DIDO1: variants seen among roughly 807,000 people sequenced by gnomAD.
The protein encoded by DIDO1 is death-inducer obliterator 1.
Under a neutral mutation model 99.4 loss-of-function variants are expected in DIDO1, and 16 were observed. The ratio of observed to expected loss-of-function variants is 0.16; its 90% confidence interval spans 0.11 to 0.24. The LOEUF (loss-of-function observed/expected upper bound fraction) is 0.24. DIDO1 is among the 10% of genes least tolerant of loss of function. The pLI, the probability that DIDO1 is intolerant of heterozygous loss-of-function variation, is 1.00. For synonymous variants in DIDO1, 1,366 were observed against 1,239.1 expected, an observed-to-expected ratio of 1.10 and a Z score of -2.15; for missense variants, 2,996 against 3,014.0, an observed-to-expected ratio of 0.99 and a Z score of 0.14.
Position 62,910,036 on chromosome 20 carries a change from A to G in DIDO1, c.840-16T>C, listed in dbSNP as rs747175502. On this transcript the variant is annotated splice_polypyrimidine_tract_variant and intron_variant, in intron 3 of 15. Coordinates refer to ENST00000395343, the MANE Select transcript of DIDO1 (RefSeq NM_001193369.2). ...AATCATAAACCTGAAATTATAAAAT[A>G]ACGGTATTAGCAATGGGACGTGAGT... The G allele has an allele frequency of 1.9e-6, 3 of 1,597,714 alleles. No individual in the cohort carries two copies. In the South Asian group the frequency reaches 3.3e-5, roughly 18 times the overall value.
At chr20:62,916,424 C>A (rs973786528) in intron 1 of DIDO1, among the ~76,000 whole-genome samples, 4 of 152,136 alleles carry the variant, frequency 2.6e-5, no homozygotes, top group Non-Finnish European at 4.4e-5. Context: ...GCTTGAATGG[C>A]GGCTCTCAAA....
At position 62,910,030 on chromosome 20, in the gene DIDO1, T is replaced by A; in HGVS notation, c.840-10A>T. ...ACAGCAAATCATAAACCTGAAATTA[T>A]AAAATAACGGTATTAGCAATGGGAC... On this transcript the variant is annotated splice_polypyrimidine_tract_variant and intron_variant, in intron 3 of 15. Coordinates refer to ENST00000395343, the MANE Select transcript of DIDO1 (RefSeq NM_001193369.2). 1 of 1,599,144 alleles carries A rather than the reference T, an allele frequency of 6.3e-7. No individual in the cohort carries two copies. Among genetic ancestry groups the A allele is most frequent in the South Asian group, 1.1e-5 (1 of 91,010 alleles).
intron 1 of DIDO1, among the ~76,000 whole-genome samples, chr20:62,923,848 G>A (rs953107646): frequency 2.0e-5 from 3 of 152,216 alleles, no homozygotes; most frequent in Admixed American, 6.5e-5. Flanking sequence ...TACCCAAGGA[G>A]AGAAATGCCT....
At chr20:62,902,329 G>A (rs1330350647) in intron 6 of DIDO1, among the ~76,000 whole-genome samples, 2 of 152,170 alleles carry the variant, frequency 1.3e-5, no homozygotes, top group Non-Finnish European at 2.9e-5. Flanking sequence ...TATGGATAAC[G>A]TAAAAAAACA....
intron 1 of DIDO1, among the ~76,000 whole-genome samples, chr20:62,919,580 A>G (rs1316849674): frequency 6.6e-6 from 1 of 152,086 alleles, no homozygotes; most frequent in African/African-American, 2.4e-5. Context: ...GCCACAACAC[A>G]GTATGTTTCT....
chr20:62,903,594 C>A (rs1600973488), intron 6 of DIDO1, among the ~76,000 whole-genome samples: 2 of 152,330 alleles, frequency 1.3e-5, no homozygotes, highest in East Asian at 3.9e-4. Context: ...AGGGGAGAGG[C>A]AGAGACATGG....
In DIDO1 at chr20:62,891,161, A is replaced by G. The variant is rs766505900; in HGVS notation, c.3346-6T>C. The G allele has an allele frequency of 6.2e-7, 1 of 1,613,912 alleles. No homozygotes were observed. The highest frequency in any genetic ancestry group is 1.1e-5 in the South Asian group (1 of 91,074). On this transcript the variant is annotated splice_region_variant and splice_polypyrimidine_tract_variant and intron_variant, in intron 14 of 15. Coordinates refer to ENST00000395343, the MANE Select transcript of DIDO1 (RefSeq NM_001193369.2). ...AAGCGGATCAGACAGAGCTCCTGCA[A>G]TGGAAGAGTGGGAAGCACTCATAAA...
chr20:62,881,155 C>G lies in DIDO1; in HGVS notation c.4801G>C (p.Val1601Leu), dbSNP rs1388945963. The G allele has an allele frequency of 1.2e-6, 2 of 1,608,272 alleles. No individual in the cohort carries two copies. The highest frequency in any genetic ancestry group is 1.7e-6 in the Non-Finnish European group (2 of 1,179,478). ...PERDASRGGLVGQAPMPVPEE... is the reference protein window; with the variant it reads ...PERDASRGGLLGQAPMPVPEE... The stretch of plus-strand genomic sequence containing the variant: ...GGGACTGGCATGGGCGCCTGGCCCA[C>G]GAGGCCACCCCTGGAAGCATCTCTC... The change falls in exon 16 of 16, where the codon GTG becomes CTG. Residue 1601 changes from valine (V) to leucine (L), a missense_variant. Physicochemically the swap from Val to Leu is conservative, Grantham distance 32 (BLOSUM62 1). Transcript: ENST00000395343. The surrounding 1 kb of genome is among the most constrained non-coding windows in gnomAD (Gnocchi z 8.3).
intron 2 of DIDO1, among the ~76,000 whole-genome samples, chr20:62,913,462 T>A (rs1028300978): frequency 1.1e-4 from 16 of 152,218 alleles, no homozygotes; most frequent in African/African-American, 3.4e-4. Flanking sequence ...ACCTCAAAGA[T>A]TAAGGGCAAA....
intron 6 of DIDO1, among the ~76,000 whole-genome samples, chr20:62,899,345 A>G (rs1009179805): frequency 3.1e-4 from 47 of 152,200 alleles, no homozygotes; most frequent in African/African-American, 1.1e-3. Context: ...CTGTGACCTG[A>G]ACGGTATCTT....
intron 15 of DIDO1, chr20:62,889,517 C>T (rs973556393): frequency 1.0e-5 from 10 of 985,464 alleles, no homozygotes; most frequent in Non-Finnish European, 1.1e-5. Context: ...CTTTCCACCC[C>T]GGTAGGGAGG....
intron 1 of DIDO1, among the ~76,000 whole-genome samples, chr20:62,937,243 G>A (rs2065398723): frequency 6.6e-6 from 1 of 152,358 alleles, no homozygotes; most frequent in East Asian, 1.9e-4. Flanking sequence ...AATATTTTAA[G>A]GTACTTCCCA....
At position 62,890,945 on chromosome 20, in the gene DIDO1, A is replaced by G; in HGVS notation, c.3541+15T>C. The stretch of plus-strand genomic sequence containing the variant: ...GCAGGTGGGCCTCACCTCCACCCAG[A>G]AAGCCGGCGCTTACCTGGTCCCTCA... On this transcript the variant is annotated intron_variant, in intron 15 of 15. Transcript: ENST00000395343. 3 of 1,613,298 alleles carry G rather than the reference A, an allele frequency of 1.9e-6. No homozygotes were observed. The highest frequency in any genetic ancestry group is 2.5e-6 in the Non-Finnish European group (3 of 1,180,026).
Position 62,894,233 on chromosome 20 carries a change from C to T in DIDO1, c.2573-39G>A, listed in dbSNP as rs745656489. On this transcript the variant is annotated intron_variant, in intron 11 of 15. Transcript: ENST00000395343. The surrounding 1 kb of genome is among the most constrained non-coding windows in gnomAD (Gnocchi z 4.4). The stretch of plus-strand genomic sequence containing the variant: ...GGAAAGGCTCTGTGAGAAACCCAGC[C>T]GGCACACTGGTGTTTCTCACACAAA... 4.6e-5 allele frequency: 74 copies of T among 1,596,958 alleles called. No individual in the cohort carries two copies. The highest frequency in any genetic ancestry group is 1.1e-4 in the African/African-American group (8 of 74,404).
At chr20:62,889,016 C>T (rs1600922340) in intron 15 of DIDO1, 1 of 985,496 alleles carries the variant, frequency 1.0e-6, no homozygotes, top group Non-Finnish European at 1.2e-6. Flanking sequence ...ATCAAAGTCC[C>T]TGGGGCTTTT....
In DIDO1 at chr20:62,911,006, A is replaced by C; in HGVS notation, c.607T>G (p.Ser203Ala). The change falls in exon 3 of 16, where the codon TCC becomes GCC. Residue 203 changes from serine to alanine, a missense_variant. This residue lies in a region of DIDO1 where 388 missense variants were observed against 376.6 expected (regional missense o/e 1.03). Transcript: ENST00000395343. The surrounding 1 kb of genome is among the most constrained non-coding windows in gnomAD (Gnocchi z 7.0). ...CCCTCCACAGTGTCACTGGCCTCGG[A>C]GCCCACAGTCTCGGCGGGACCCTCC... is the stretch of plus-strand genomic sequence containing the variant. ...REEGPAETVG[S>A]EASDTVEGVL... is the part of the protein sequence containing the mutation. The C allele has an allele frequency of 6.2e-7, 1 of 1,613,752 alleles. No individual in the cohort carries two copies. The highest frequency in any genetic ancestry group is 8.5e-7 in the Non-Finnish European group (1 of 1,179,942).
chr20:62,891,908 C>T, intron 14 of DIDO1, 79 bp downstream of exon 14: 1 of 1,194,040 alleles, frequency 8.4e-7, no homozygotes, highest in East Asian at 2.4e-5. Context: ...TTAACCCATC[C>T]AAACGAGAGG....
chr20:62,913,511 T>C (rs185412574), intron 2 of DIDO1, among the ~76,000 whole-genome samples: 55 of 152,378 alleles, frequency 3.6e-4, no homozygotes, highest in Admixed American at 1.1e-3. Context: ...GGTAGAGCAA[T>C]TATTAAACCA....
At position 62,881,224 on chromosome 20, in the gene DIDO1, G is replaced by A; in HGVS notation, c.4732C>T (p.Leu1578Phe). 6.2e-7 allele frequency: 1 copy of A among 1,604,378 alleles called. No individual in the cohort carries two copies. ...GCACCACGTGCCGAGAGCCTGGAGA[G>A]AGGCTCCCCCTCCCCCTCACCGGTC... ...TETGEGEGEP[L>F]SRLSARGAQG... is the part of the protein sequence containing the mutation. Residue 1578 changes from leucine (L) to phenylalanine (F), a missense_variant, in exon 16 of 16, where the codon CTC becomes TTC. Transcript: ENST00000395343. This position sits in a 1 kb window ranked among gnomAD's most constrained non-coding sequence, Gnocchi z 8.3.
Sources: allele counts gnomAD v4.1 joint callset (sites outside exome capture counted in the v4.1 genomes callset), GRCh38; gene constraint gnomAD v4.1.1; regional missense constraint gnomAD v4.1.1; non-coding constraint Gnocchi (gnomAD v3.1); transcripts MANE v1.5; gene names NCBI Gene and HGNC (gene_info 2026-07-23, HGNC 2026-07-21).